Variants in FANCM observed in about 807,000 individuals in gnomAD.
The protein encoded by FANCM is Fanconi anemia group M protein.
Under a neutral mutation model 199.5 loss-of-function variants are expected in FANCM, and 140 were observed. The observed-to-expected ratio is 0.70, with a 90% CI of 0.61 to 0.81. FANCM has a LOEUF of 0.81. FANCM is among the 30% of genes least tolerant of loss of function. FANCM has a pLI of 0.00. For missense variants in FANCM, 2,410 were observed against 2,421.4 expected (o/e 1.00, Z 0.10); for synonymous variants, 840 against 836.8 (o/e 1.00, Z -0.07).
At chr14:45,167,882 T>C (rs1888092478) in intron 11 of FANCM, among the ~76,000 whole-genome samples, 1 of 152,196 alleles carries the variant, frequency 6.6e-6, no homozygotes, top group Admixed American at 6.5e-5. Flanking sequence ...TTGTTTTAAA[T>C]GCATAGCCAG....
chr14:45,187,912 A>G (rs1889508459), intron 19 of FANCM, 25 bp downstream of exon 19: 1 of 1,107,130 alleles, frequency 9.0e-7, no homozygotes. Flanking sequence ...AATATAATGG[A>G]GAATTTCTGG....
At chr14:45,164,303 G>A in intron 9 of FANCM, 56 bp from the exon 10 acceptor site, 1 of 1,389,844 alleles carries the variant, frequency 7.2e-7, no homozygotes, top group Non-Finnish European at 1.0e-6. Context: ...AATATGCTTT[G>A]ATCTACAGTT....
intron 3 of FANCM, among the ~76,000 whole-genome samples, chr14:45,141,715 G>T (rs927954306): frequency 6.6e-6 from 1 of 150,660 alleles, no homozygotes; most frequent in South Asian, 2.1e-4. Flanking sequence ...TCACCCTCCC[G>T]AGTAGCTGGG....
chr14:45,151,732 C>G (rs187962050), intron 5 of FANCM, among the ~76,000 whole-genome samples: 40 of 152,078 alleles, frequency 2.6e-4, no homozygotes, highest in Admixed American at 1.4e-3. Context: ...CAGGACCAGC[C>G]TGGGCAACAT....
intron 1 of FANCM, 95 bp downstream of exon 1, chr14:45,136,634 C>G (rs1885535879): frequency 8.2e-7 from 1 of 1,226,760 alleles, no homozygotes; most frequent in Non-Finnish European, 1.2e-6. Flanking sequence ...CTTACGCCCT[C>G]CCTCTTAAAA....
At chr14:45,192,259 G>C (rs1395344614) in intron 20 of FANCM, among the ~76,000 whole-genome samples, 1 of 152,294 alleles carries the variant, frequency 6.6e-6, no homozygotes, top group Non-Finnish European at 1.5e-5. Flanking sequence ...AGGGCAAACA[G>C]TTAGGCTGAT....
chr14:45,173,079 C>A lies in FANCM; in HGVS notation c.2185C>A (p.His729Asn). ...KPAQESTTGI[H>N]QLSLSEWRLW... ...GGCTCAAGAATCAACCACTGGAATT[C>A]ATCAACTCTCTCTCTCTGAATGGAG... is the stretch of plus-strand genomic sequence containing the variant. Residue 729 changes from histidine (H) to asparagine (N), a missense_variant, in exon 13 of 23, where the codon CAT becomes AAT. His to Asn is a moderately conservative substitution (Grantham distance 68). Coordinates refer to ENST00000267430, the MANE Select transcript of FANCM (RefSeq NM_020937.4). 1.2e-6 allele frequency: 2 copies of A among 1,609,900 alleles called. No homozygotes were observed. The highest frequency in any genetic ancestry group is 1.7e-4 in the Middle Eastern group (1 of 6,058).
intron 4 of FANCM, 61 bp downstream of exon 4, chr14:45,149,056 G>A: frequency 1.6e-6 from 2 of 1,259,638 alleles, no homozygotes; most frequent in Admixed American, 1.7e-5. Context: ...AATTATTTCA[G>A]CTAACAGGAT....
intron 9 of FANCM, among the ~76,000 whole-genome samples, chr14:45,160,579 C>T (rs925993048): frequency 1.3e-5 from 2 of 150,590 alleles, no homozygotes; most frequent in African/African-American, 4.9e-5. Flanking sequence ...GAGTCTCGCT[C>T]TGTTGCCGAG....
Position 45,199,920 on chromosome 14 carries a change from A to G in FANCM, c.6059A>G (p.Glu2020Gly), listed in dbSNP as rs1890268678. Residue 2020 changes from glutamate (E) to glycine (G), a missense_variant, in exon 23 of 23, where the codon GAG becomes GGG. By Grantham distance (98) the Glu-to-Gly change is moderately conservative (BLOSUM62 -2). Transcript: ENST00000267430. ...GCACAAGTAACTCATCAGAAGGCTG[A>G]GGAGATCTATAGATATATTCACTAT... Reference protein sequence around the residue: ...MYAQVTHQKAEEIYRYIHYVF... With the variant: ...MYAQVTHQKAGEIYRYIHYVF... 1 of 1,608,292 alleles carries G rather than the reference A, an allele frequency of 6.2e-7. No individual in the cohort carries two copies. Among genetic ancestry groups the G allele is most frequent in the African/African-American group, 1.3e-5 (1 of 74,856 alleles).
At position 45,151,463 on chromosome 14, in the gene FANCM, C is replaced by G. The variant is rs750311376; in HGVS notation, c.985C>G (p.Leu329Val). 6.8e-6 allele frequency: 11 copies of G among 1,611,644 alleles called. No homozygotes were observed. The Admixed American group carries it at 1.7e-4, about 24-fold the overall frequency. Reference protein sequence around the residue: ...NVLMRRDIPNLTKYQIILARD... With the variant: ...NVLMRRDIPNVTKYQIILARD... Reference sequence around the variant, plus strand: ...TTTGATGAGAAGGGATATCCCAAATCTAACAAAATATCAGATAATTCTGGC... The same window carrying G: ...TTTGATGAGAAGGGATATCCCAAATGTAACAAAATATCAGATAATTCTGGC... The change falls in exon 5 of 23, where the codon CTA (leucine) becomes GTA (valine). Residue 329 changes from leucine (L) to valine (V), a missense_variant. Leu to Val is a conservative substitution (Grantham distance 32). Transcript: ENST00000267430.
At position 45,181,391 on chromosome 14, in the gene FANCM, A is replaced by G. The variant is rs200723269; in HGVS notation, c.4223-39A>G. 24 of 1,104,226 alleles carry G rather than the reference A, an allele frequency of 2.2e-5. No individual in the cohort carries two copies. The African/African-American group carries it at 3.3e-4, about 15-fold the overall frequency. 68.4% of individuals were successfully genotyped at this position (1,104,226 alleles called of 1,614,324 possible). ...GATTGTTATGATTGGGTAAACCTAA[A>G]TCTATTAACCATTCATTATTTTAAA... On this transcript the variant is annotated intron_variant, in intron 14 of 22. Transcript: ENST00000267430.
chr14:45,155,429 G>A lies in FANCM; in HGVS notation c.1366G>A (p.Val456Ile), dbSNP rs779075398. ...SHPKLKKLEE[V>I]VIEHFKSWNA... Reference sequence around the variant, plus strand: ...TCCAAAGTTAAAGAAATTAGAAGAAGTTGTAATTGAACACTTCAAGTCATG... The same window carrying A: ...TCCAAAGTTAAAGAAATTAGAAGAAATTGTAATTGAACACTTCAAGTCATG... The change falls in exon 8 of 23, where the codon GTT becomes ATT. Residue 456 changes from valine (V) to isoleucine (I), a missense_variant. By Grantham distance (29) the Val-to-Ile change is conservative. Transcript: ENST00000267430. 31 of 1,492,288 alleles carry A rather than the reference G, an allele frequency of 2.1e-5. No homozygotes were observed. The highest frequency in any genetic ancestry group is 2.6e-5 in the Non-Finnish European group (28 of 1,070,566). The allele number at this position is 1,492,288 out of a possible 1,614,324, so 92.4% of individuals were successfully genotyped here. A position where few individuals can be genotyped will look rare whatever the true frequency, so the allele number is the denominator to read the frequency against.
intron 11 of FANCM, among the ~76,000 whole-genome samples, chr14:45,168,946 C>CAG (rs145722479): frequency 0.22 from 33,492 of 150,966 alleles, 5,321 homozygotes; most frequent in African/African-American, 0.45. Flanking sequence ...TTTTTTGAGA[C>CAG]AGTCTCGTGT....
At chr14:45,180,628 G>T (rs923070154) in intron 14 of FANCM, among the ~76,000 whole-genome samples, 2 of 151,960 alleles carry the variant, frequency 1.3e-5, no homozygotes, top group African/African-American at 2.4e-5. Context: ...TGTAGAGAGG[G>T]TTCTGTCATG....
intron 10 of FANCM, 37 bp from the exon 11 acceptor site, chr14:45,166,913 A>C (rs1213699736): frequency 8.9e-7 from 1 of 1,122,990 alleles, no homozygotes; most frequent in South Asian, 1.3e-5. Flanking sequence ...TATTTATAAA[A>C]GTAATATAAT....
intron 5 of FANCM, 36 bp downstream of exon 5, chr14:45,151,564 A>C: frequency 1.3e-6 from 2 of 1,576,576 alleles, no homozygotes; most frequent in South Asian, 1.1e-5. Context: ...TGACAGATTA[A>C]ATTTTCACTG....
intron 21 of FANCM, among the ~76,000 whole-genome samples, chr14:45,198,231 T>A (rs568402418): frequency 1.1e-4 from 16 of 152,114 alleles, no homozygotes; most frequent in Non-Finnish European, 2.1e-4. Flanking sequence ...GGGAAGTAAT[T>A]GGCAAGATGA....
chr14:45,147,905 C>G (rs192279028), intron 3 of FANCM, among the ~76,000 whole-genome samples: 2,943 of 143,954 alleles, frequency 0.02, 45 homozygotes, highest in African/African-American at 0.044. Context: ...CCGCCCCCCC[C>G]CCAAAAAAAA....
Sources: gnomAD v4.1 joint callset for allele counts (sites outside exome capture counted in the v4.1 genomes callset) on GRCh38, gnomAD v4.1.1 for gene constraint, MANE v1.5 for transcripts, NCBI Gene and HGNC (gene_info 2026-07-23, HGNC 2026-07-21) for gene names.